Variants in EML2 observed in about 807,000 individuals in gnomAD.
EML2 encodes EMAP like 2.
Under a neutral mutation model 84.7 loss-of-function variants are expected in EML2, and 59 were observed. The ratio of observed to expected loss-of-function variants is 0.70; its 90% CI spans 0.56 to 0.86. The LOEUF (loss-of-function observed/expected upper bound fraction) is 0.86, where lower values mean the gene tolerates loss of function less well. Ranked by LOEUF, EML2 falls within the 40% of genes least tolerant of loss-of-function variation. The pLI, the probability that EML2 is intolerant of heterozygous loss-of-function variation, is 0.00. For missense variants in EML2, 818 were observed against 855.6 expected, an observed-to-expected ratio of 0.96 and a Z score of 0.55; for synonymous variants, 352 against 348.9, an observed-to-expected ratio of 1.01 and a Z score of -0.10.
chr19:45,622,817 G>T (rs1285954676), intron 9 of EML2, among the ~76,000 whole-genome samples: 1 of 152,164 alleles, frequency 6.6e-6, no homozygotes, highest in East Asian at 1.9e-4. Context: ...GGAGGCCGAA[G>T]GGGGCGGATC....
At chr19:45,637,470 A>ATTTT (rs66503218) in intron 3 of EML2, among the ~76,000 whole-genome samples, 49 of 101,632 alleles carry the variant, frequency 4.8e-4, no homozygotes, top group African/African-American at 1.3e-3. Flanking sequence ...ATTATTTTGG[A>ATTTT]TTTTTTTTTT....
At chr19:45,641,074 C>T (rs117562923), upstream of EML2, 433 of 153,874 alleles carry the variant, frequency 2.8e-3, 2 homozygotes, top group Non-Finnish European at 4.9e-3. Flanking sequence ...CACCTCTTGG[C>T]ATTTGACCAC....
upstream of EML2, chr19:45,642,252 C>T: frequency 6.5e-7 from 1 of 1,536,000 alleles, no homozygotes; most frequent in Non-Finnish European, 8.7e-7. Context: ...CCAGCGCCGC[C>T]TTTAGGACCG....
intron 3 of EML2, among the ~76,000 whole-genome samples, chr19:45,635,463 A>T (rs1429566284): frequency 6.6e-6 from 1 of 151,354 alleles, no homozygotes; most frequent in Non-Finnish European, 1.5e-5. Flanking sequence ...TGCATCACAC[A>T]CACTGGCTGA....
At chr19:45,645,054 C>T, upstream of EML2, 1 of 609,468 alleles carries the variant, frequency 1.6e-6, no homozygotes, top group Non-Finnish European at 2.9e-6. Context: ...CTCCGTCTAG[C>T]CACCTCGGGA....
At chr19:45,621,438 G>T (rs757303992) in intron 10 of EML2, 45 bp downstream of exon 10, 3 of 1,591,264 alleles carry the variant, frequency 1.9e-6, no homozygotes, top group African/African-American at 2.7e-5. Context: ...GGTGAGATCG[G>T]GGGGGGCCTC....
At chr19:45,628,905 A>G (rs1412882547) in intron 7 of EML2, 2 of 152,148 alleles carry the variant, frequency 1.3e-5, no homozygotes, top group Non-Finnish European at 2.9e-5. Context: ...CCCCTAGCCC[A>G]GGACAGGTGT....
At chr19:45,643,712 C>T, upstream of EML2, 3 of 1,534,038 alleles carry the variant, frequency 2.0e-6, no homozygotes, top group Non-Finnish European at 2.6e-6. Flanking sequence ...GCAGCTGGCC[C>T]TCTGGGCTCC....
At chr19:45,616,150 C>G (rs1186046502) in intron 15 of EML2, 3 of 527,514 alleles carry the variant, frequency 5.7e-6, no homozygotes, top group African/African-American at 4.0e-5. Flanking sequence ...GGGCTAGACA[C>G]GGAGGAGCTG....
chr19:45,615,987 G>T, intron 15 of EML2, 98 bp from the exon 16 acceptor site: 1 of 887,436 alleles, frequency 1.1e-6, no homozygotes, highest in Non-Finnish European at 1.8e-6. Context: ...AAATACAGAG[G>T]TAGGGCGAGA....
At chr19:45,630,075 G>A in intron 6 of EML2, 29 bp from the exon 7 acceptor site, 1 of 1,548,270 alleles carries the variant, frequency 6.5e-7, no homozygotes, top group African/African-American at 1.4e-5. Context: ...GAGGGGGACA[G>A]AGGCAAGGGG....
chr19:45,642,030 A>G, upstream of EML2: 1 of 1,443,350 alleles, frequency 6.9e-7, no homozygotes, highest in Non-Finnish European at 9.1e-7. Flanking sequence ...AGGCCTTTCA[A>G]GAGCTGACAC....
intron 9 of EML2, among the ~76,000 whole-genome samples, chr19:45,622,470 G>A (rs1306910803): frequency 2.0e-5 from 3 of 151,988 alleles, no homozygotes; most frequent in African/African-American, 4.8e-5. Context: ...TTGCTCTGTC[G>A]ACCAGGCTGG....
At chr19:45,616,377 G>A in intron 15 of EML2, 84 bp downstream of exon 15, 1 of 1,024,648 alleles carries the variant, frequency 9.8e-7, no homozygotes, top group South Asian at 1.5e-5. Context: ...TGTTGAAGCT[G>A]CGCTCCCTTG....
chr19:45,626,596 C>T (rs930531851), intron 8 of EML2, 109 bp downstream of exon 8: 2 of 1,255,930 alleles, frequency 1.6e-6, no homozygotes, highest in Non-Finnish European at 1.1e-6. Context: ...ATCTCAGCGT[C>T]CCTGTAATCC....
chr19:45,642,319 A>G, upstream of EML2: 1 of 1,534,656 alleles, frequency 6.5e-7, no homozygotes, highest in East Asian at 2.4e-5. Flanking sequence ...GCGGTCGTCC[A>G]CTTCCATACC....
At chr19:45,641,813 C>A, upstream of EML2, 6 of 1,522,718 alleles carry the variant, frequency 3.9e-6, no homozygotes, top group Non-Finnish European at 5.3e-6. Context: ...CGTGAGCAAG[C>A]GAGATTCTCC....
At chr19:45,634,850 A>G (rs1261057069) in intron 3 of EML2, among the ~76,000 whole-genome samples, 2 of 138,310 alleles carry the variant, frequency 1.4e-5, no homozygotes, top group Non-Finnish European at 3.1e-5. Context: ...CACCCAGCCT[A>G]TTTATTTTTT....
intron 1 of EML2, chr19:45,639,093 A>G: frequency 1.4e-6 from 1 of 723,536 alleles, no homozygotes. Flanking sequence ...CAAAGATCAC[A>G]CAGCACGAAG....
Sources: allele counts gnomAD v4.1 joint callset (sites outside exome capture counted in the v4.1 genomes callset), GRCh38; gene constraint gnomAD v4.1.1; transcripts MANE v1.5; gene names NCBI Gene and HGNC (gene_info 2026-07-23, HGNC 2026-07-21).